The following POU4F2 variants were observed in gnomAD, a reference collection of about 807,000 sequenced individuals.
POU4F2 encodes POU class 4 homeobox 2.
A neutral mutation model predicts 21.5 loss-of-function variants in POU4F2; 10 were observed. The observed-to-expected ratio is 0.46, with a 90% CI of 0.29 to 0.79. The LOEUF (loss-of-function observed/expected upper bound fraction) is 0.79, where lower values mean the gene tolerates loss of function less well. POU4F2 is among the 30% of genes least tolerant of loss of function. The pLI, the probability that POU4F2 is intolerant of heterozygous loss-of-function variation, is 0.10. For synonymous variants in POU4F2, 324 were observed against 271.1 expected (o/e 1.20, Z -1.92); for missense variants, 623 against 603.3 (o/e 1.03, Z -0.34).
Position 146,640,491 on chromosome 4 carries a change from C to T in POU4F2, c.913C>T (p.Leu305Phe). ...GAGCACCATCTGCAGGTTCGAGTCC[C>T]TCACACTGTCCCACAATAATATGAT... is the stretch of plus-strand genomic sequence containing the variant. ...SQSTICRFES[L>F]TLSHNNMIAL... The change falls in exon 2 of 2, where the codon CTC becomes TTC. Residue 305 changes from leucine to phenylalanine, a missense_variant. This residue lies in a region of POU4F2 where 523 missense variants were observed against 504.1 expected (regional missense o/e 1.04). Coordinates refer to ENST00000281321, the MANE Select transcript of POU4F2 (RefSeq NM_004575.3). The surrounding 1 kb of genome is among the most constrained non-coding windows in gnomAD (Gnocchi z 4.8). 10 of 1,614,170 alleles carry T rather than the reference C, an allele frequency of 6.2e-6. No homozygotes were observed. The highest frequency in any genetic ancestry group is 8.5e-6 in the Non-Finnish European group (10 of 1,180,026).
Position 146,640,952 on chromosome 4 carries a change from G to T in POU4F2, c.*144G>T. ...ATCGAGGACTGAAGAGGGAGCGAAC[G>T]AGCGAACAACTGAGCCCAAGCCGGT... On this transcript the variant is annotated 3_prime_UTR_variant, in exon 2 of 2. Transcript: ENST00000281321. This position sits in a 1 kb window ranked among gnomAD's most constrained non-coding sequence, Gnocchi z 4.8. 3.5e-6 allele frequency: 3 copies of T among 865,970 alleles called. No individual in the cohort carries two copies. The highest frequency in any genetic ancestry group is 5.0e-6 in the Non-Finnish European group (3 of 595,790). The allele number at this position is 865,970 out of a possible 1,614,324, so 53.6% of individuals were successfully genotyped here.
rs1740897426 is a variant in POU4F2, at chr4:146,642,055, T to A, written c.*1247T>A. ...ACATGTTAATATTTATAGGAATACT[T>A]CAGTTTTTCCTTTTGGAGGTTTGTT... On this transcript the variant is annotated 3_prime_UTR_variant, in exon 2 of 2. Transcript: ENST00000281321. 1 of 152,694 alleles carries A rather than the reference T, an allele frequency of 6.5e-6. No individual in the cohort carries two copies. The highest frequency in any genetic ancestry group is 2.1e-4 in the South Asian group (1 of 4,834). The allele number at this position is 152,694 out of a possible 1,614,324, so 9.5% of individuals were successfully genotyped here. A position where few individuals can be genotyped will look rare whatever the true frequency, so the allele number is the denominator to read the frequency against.
Position 146,641,448 on chromosome 4 carries a change from CTAT to C in POU4F2, c.*646_*648del, listed in dbSNP as rs1740886138. On this transcript the variant is annotated 3_prime_UTR_variant, in exon 2 of 2. Transcript: ENST00000281321. Reference sequence around the variant, plus strand: ...CTGCTGTGTTCACTGATCTTGAAAGCTATTATTAGATTATTGCAGAACAACCCT... The same window carrying C: ...CTGCTGTGTTCACTGATCTTGAAAGCTATTAGATTATTGCAGAACAACCCT... 1 of 152,526 alleles carries C rather than the reference CTAT, an allele frequency of 6.6e-6. No individual in the cohort carries two copies. Among genetic ancestry groups the C allele is most frequent in the Non-Finnish European group, 1.5e-5 (1 of 68,026 alleles). The allele number at this position is 152,526 out of a possible 1,614,324, so 9.4% of individuals were successfully genotyped here. A position where few individuals can be genotyped will look rare whatever the true frequency, so the allele number is the denominator to read the frequency against.
At chr4:146,639,801 G>T (rs748818264) in intron 1 of POU4F2, 66 bp from the exon 2 acceptor site, 19 of 1,465,006 alleles carry the variant, frequency 1.3e-5, no homozygotes, top group Non-Finnish European at 1.7e-5. Context: ...CTGGGCCGGG[G>T]CTTCCGGAGA....
Position 146,640,178 on chromosome 4 carries a change from G to A in POU4F2, c.600G>A (p.Leu200=), listed in dbSNP as rs2149968560. ...GELLEHLSPG[L]ALGAMAGPDG... The stretch of plus-strand genomic sequence containing the variant: ...TGCTGGAGCACCTGAGTCCCGGGCT[G>A]GCCCTGGGCGCTATGGCGGGCCCCG... The change falls in exon 2 of 2, where the codon CTG becomes CTA. Residue 200 remains leucine (L), a synonymous_variant. Coordinates refer to ENST00000281321, the MANE Select transcript of POU4F2 (RefSeq NM_004575.3). This position sits in a 1 kb window ranked among gnomAD's most constrained non-coding sequence, Gnocchi z 4.8. 6.3e-7 allele frequency: 1 copy of A among 1,589,906 alleles called. No individual in the cohort carries two copies. The highest frequency in any genetic ancestry group is 1.3e-5 in the African/African-American group (1 of 74,742).
In POU4F2 at chr4:146,640,634, C is replaced by T. The variant is rs755801755; in HGVS notation, c.1056C>T (p.Ile352=). The T allele has an allele frequency of 6.2e-7, 1 of 1,614,256 alleles. No individual in the cohort carries two copies. The part of the protein sequence containing the change: ...GAEKKRKRTS[I]AAPEKRSLEA... ...AGAAGAAGCGCAAGCGCACGTCCAT[C>T]GCTGCGCCAGAGAAGCGCTCGCTCG... Residue 352 remains isoleucine, a synonymous_variant, in exon 2 of 2, where the codon ATC becomes ATT. Coordinates refer to ENST00000281321, the MANE Select transcript of POU4F2 (RefSeq NM_004575.3). This position sits in a 1 kb window ranked among gnomAD's most constrained non-coding sequence, Gnocchi z 4.8.
Position 146,641,544 on chromosome 4 carries a change from C to T in POU4F2, c.*736C>T, listed in dbSNP as rs1740887052. 2 of 152,596 alleles carry T rather than the reference C, an allele frequency of 1.3e-5. No homozygotes were observed. The highest frequency in any genetic ancestry group is 4.1e-4 in the South Asian group (2 of 4,824). The allele number at this position is 152,596 out of a possible 1,614,324, so 9.5% of individuals were successfully genotyped here. A position where few individuals can be genotyped will look rare whatever the true frequency, so the allele number is the denominator to read the frequency against. ...CACATTCTAATTAATTAAACTTCTT[C>T]CGTCTAAAAAAAGTGGGGGAAATGT... On this transcript the variant is annotated 3_prime_UTR_variant, in exon 2 of 2. Coordinates refer to ENST00000281321, the MANE Select transcript of POU4F2 (RefSeq NM_004575.3).
Position 146,640,243 on chromosome 4 carries a change from T to G in POU4F2, c.665T>G (p.Met222Arg). Residue 222 changes from methionine (M) to arginine (R), a missense_variant, in exon 2 of 2, where the codon ATG becomes AGG. Physicochemically the swap from Met to Arg is moderately conservative, Grantham distance 91. Coordinates refer to ENST00000281321, the MANE Select transcript of POU4F2 (RefSeq NM_004575.3). This position sits in a 1 kb window ranked among gnomAD's most constrained non-coding sequence, Gnocchi z 4.8. ...TCCACGCCGGCTCACGCGCCGCACA[T>G]GGCCACCATGAACCCCATGCACCAA... ...VVSTPAHAPH[M>R]ATMNPMHQAA... The G allele has an allele frequency of 6.3e-7, 1 of 1,582,610 alleles. No individual in the cohort carries two copies. Among genetic ancestry groups the G allele is most frequent in the South Asian group, 1.2e-5 (1 of 86,830 alleles).
rs1561027126 is a variant in POU4F2 at position 146,639,969 on chromosome 4, C to T, written c.391C>T (p.Pro131Ser). Residue 131 changes from proline (P) to serine (S), a missense_variant, in exon 2 of 2, where the codon CCC (proline) becomes TCC (serine). By Grantham distance (74) the Pro-to-Ser change is moderately conservative (BLOSUM62 -1). Coordinates refer to ENST00000281321, the MANE Select transcript of POU4F2 (RefSeq NM_004575.3). ...GAGCAAGAGCCACCACCACCATCCA[C>T]CCCACCACAGCCCCTTCAAACCGGA... ...SQSKSHHHHPPHHSPFKPDAT... is the reference protein window; with the variant it reads ...SQSKSHHHHPSHHSPFKPDAT... The T allele has an allele frequency of 1.4e-5, 22 of 1,612,658 alleles. No individual in the cohort carries two copies. The highest frequency in any genetic ancestry group is 1.9e-5 in the Non-Finnish European group (22 of 1,179,284).
At position 146,642,423 on chromosome 4, in the gene POU4F2, G is replaced by A. The variant is rs545611121; in HGVS notation, c.*1615G>A. The A allele has an allele frequency of 4.6e-5, 7 of 152,116 alleles. No individual in the cohort carries two copies. Among genetic ancestry groups the A allele is most frequent in the East Asian group, 1.9e-4 (1 of 5,202 alleles). 9.4% of individuals were successfully genotyped at this position (152,116 alleles called of 1,614,324 possible). ...ATAATTTTAATGTTTTATTGGCAAC[G>A]TATGCTGCTTTTTCATTAAAATATG... On this transcript the variant is annotated 3_prime_UTR_variant, in exon 2 of 2. Coordinates refer to ENST00000281321, the MANE Select transcript of POU4F2 (RefSeq NM_004575.3).
Position 146,639,314 on chromosome 4 carries a change from C to CGAA in POU4F2, c.175_176insAAG (p.Gly58_Gly59insGlu). ...CGAGCAACGCTGGTGGTGGCGGCGG[C>CGAA]GGCGGCGGCGGCGGCGGCGGCGGCG... is the stretch of plus-strand genomic sequence containing the variant. On this transcript the variant is annotated inframe_insertion, in exon 1 of 2. Coordinates refer to ENST00000281321, the MANE Select transcript of POU4F2 (RefSeq NM_004575.3). 8.8e-7 allele frequency: 1 copy of CGAA among 1,138,042 alleles called. No individual in the cohort carries two copies. The highest frequency in any genetic ancestry group is 1.8e-5 in the South Asian group (1 of 54,186). 70.5% of individuals were successfully genotyped at this position (1,138,042 alleles called of 1,614,324 possible). A position where few individuals can be genotyped will look rare whatever the true frequency, so the allele number is the denominator to read the frequency against.
chr4:146,640,900 A>C lies in POU4F2; in HGVS notation c.*92A>C. 3 of 1,305,716 alleles carry C rather than the reference A, an allele frequency of 2.3e-6. No homozygotes were observed. Among genetic ancestry groups the C allele is most frequent in the Non-Finnish European group, 3.1e-6 (3 of 970,250 alleles). The allele number at this position is 1,305,716 out of a possible 1,614,324, so 80.9% of individuals were successfully genotyped here. Reference sequence around the variant, plus strand: ...CTTTTCACTTTTGGCGACTAGAAACAATTCCAGTAAATGTGAATCTCGACA... The same window carrying C: ...CTTTTCACTTTTGGCGACTAGAAACCATTCCAGTAAATGTGAATCTCGACA... On this transcript the variant is annotated 3_prime_UTR_variant, in exon 2 of 2. Transcript: ENST00000281321. The surrounding 1 kb of genome is among the most constrained non-coding windows in gnomAD (Gnocchi z 4.8).
Position 146,639,074 on chromosome 4 carries a change from C to G in POU4F2, c.-67C>G. On this transcript the variant is annotated 5_prime_UTR_variant, in exon 1 of 2. Transcript: ENST00000281321. ...TCCAGCCCCGGCTGGCCCGGCACTT[C>G]TCGGAGGGTCCCGGCAGCCGGGACC... 6.4e-7 allele frequency: 1 copy of G among 1,550,666 alleles called. No individual in the cohort carries two copies. Among genetic ancestry groups the G allele is most frequent in the Non-Finnish European group, 8.7e-7 (1 of 1,155,772 alleles).
In POU4F2 at chr4:146,639,264, C is replaced by T. The variant is rs184591480; in HGVS notation, c.124C>T (p.Pro42Ser). 2,109 of 1,574,742 alleles carry T rather than the reference C, an allele frequency of 1.3e-3. 19 individuals carry two copies. In the African/African-American group the frequency reaches 0.025, roughly 19 times the overall value. The change falls in exon 1 of 2, where the codon CCC (proline) becomes TCC (serine). Residue 42 changes from proline to serine, a missense_variant. By Grantham distance (74) the Pro-to-Ser change is moderately conservative. Coordinates refer to ENST00000281321, the MANE Select transcript of POU4F2 (RefSeq NM_004575.3). Reference protein sequence around the residue: ...TSPGSSAPIAPSASSPSSSSN... With the variant: ...TSPGSSAPIASSASSPSSSSN... ...GCCGGGCTCCTCGGCTCCCATCGCG[C>T]CCTCGGCCAGCTCCCCCAGCAGCTC...
Position 146,640,819 on chromosome 4 carries a change from G to C in POU4F2, c.*11G>C. The C allele has an allele frequency of 6.3e-7, 1 of 1,585,238 alleles. No homozygotes were observed. The highest frequency in any genetic ancestry group is 8.6e-7 in the Non-Finnish European group (1 of 1,167,498). ...TCCGCCGGCATTTAGAAGACTCTTG[G>C]CCTCTCCAGAGACGCCCCTTTCCTC... On this transcript the variant is annotated 3_prime_UTR_variant, in exon 2 of 2. Transcript: ENST00000281321. This position sits in a 1 kb window ranked among gnomAD's most constrained non-coding sequence, Gnocchi z 4.8.
Position 146,640,943 on chromosome 4 carries a change from G to C in POU4F2, c.*135G>C. ...TCTCGACAAATCGAGGACTGAAGAG[G>C]GAGCGAACGAGCGAACAACTGAGCC... On this transcript the variant is annotated 3_prime_UTR_variant, in exon 2 of 2. Transcript: ENST00000281321. This position sits in a 1 kb window ranked among gnomAD's most constrained non-coding sequence, Gnocchi z 4.8. 1.0e-6 allele frequency: 1 copy of C among 978,550 alleles called. No individual in the cohort carries two copies. The highest frequency in any genetic ancestry group is 2.8e-5 in the East Asian group (1 of 35,316). The allele number at this position is 978,550 out of a possible 1,614,324, so 60.6% of individuals were successfully genotyped here.
At position 146,639,901 on chromosome 4, in the gene POU4F2, T is replaced by A; in HGVS notation, c.323T>A (p.Leu108Gln). The change falls in exon 2 of 2, where the codon CTG (leucine) becomes CAG (glutamine). Residue 108 changes from leucine to glutamine, a missense_variant. Around this residue, in one of 3 missense-constraint regions of POU4F2, gnomAD observed 523 missense variants for 504.1 expected, o/e 1.04. Transcript: ENST00000281321. ...TTCGGCGGGCTGGATGAGAGTCTGCTGGCCCGCGCCGAGGCTCTGGCAGCC... is the reference window on the plus strand; with the variant it reads ...TTCGGCGGGCTGGATGAGAGTCTGCAGGCCCGCGCCGAGGCTCTGGCAGCC... ...NIFGGLDESLLARAEALAAVD... is the reference protein window; with the variant it reads ...NIFGGLDESLQARAEALAAVD... 2 of 1,570,216 alleles carry A rather than the reference T, an allele frequency of 1.3e-6. No homozygotes were observed. Among genetic ancestry groups the A allele is most frequent in the Non-Finnish European group, 1.7e-6 (2 of 1,156,452 alleles).
Position 146,639,358 on chromosome 4 carries a change from CCAGCAGCAGTGG to C in POU4F2, c.226_237del (p.Ser76_Ser79del). On this transcript the variant is annotated inframe_deletion, in exon 1 of 2. Coordinates refer to ENST00000281321, the MANE Select transcript of POU4F2 (RefSeq NM_004575.3). ...GGCGGCGGAGGCCGAAGCAGCAGCTCCAGCAGCAGTGGCAGCAGCGGCGGCGGGGGCTCGGAG... is the reference window on the plus strand; with the variant it reads ...GGCGGCGGAGGCCGAAGCAGCAGCTCCAGCAGCGGCGGCGGGGGCTCGGAG... 6.7e-7 allele frequency: 1 copy of C among 1,486,176 alleles called. No homozygotes were observed. Among genetic ancestry groups the C allele is most frequent in the East Asian group, 2.6e-5 (1 of 38,224 alleles). The allele number at this position is 1,486,176 out of a possible 1,614,324, so 92.1% of individuals were successfully genotyped here.
rs772204480 is a variant in POU4F2, at chr4:146,640,097, CCACCACCAT to C, written c.528_536del (p.His180_His182del). On this transcript the variant is annotated inframe_deletion, in exon 2 of 2. Transcript: ENST00000281321. This position sits in a 1 kb window ranked among gnomAD's most constrained non-coding sequence, Gnocchi z 4.8. Reference sequence around the variant, plus strand: ...CCGCGTTGGCGGGCACGCACCACCACCACCACCATCACCACCACCACCACCACCAACCGC... The same window carrying C: ...CCGCGTTGGCGGGCACGCACCACCACCACCACCACCACCACCACCAACCGC... 1.3e-4 allele frequency: 214 copies of C among 1,603,116 alleles called. 2 individuals are homozygous for C. The South Asian group carries it at 2.3e-3, about 17-fold the overall frequency.
Sources: gnomAD v4.1 joint callset for allele counts on GRCh38, gnomAD v4.1.1 for gene constraint, gnomAD v4.1.1 regional missense constraint, Gnocchi (gnomAD v3.1) non-coding constraint, MANE v1.5 for transcripts, NCBI Gene and HGNC (gene_info 2026-07-23, HGNC 2026-07-21) for gene names.